PLCG1: variants seen among roughly 807,000 people sequenced by gnomAD.
The protein encoded by PLCG1 is phospholipase C gamma 1.
Under a neutral mutation model 177.8 loss-of-function variants are expected in PLCG1, and 71 were observed. The ratio of observed to expected loss-of-function variants is 0.40; its 90% CI spans 0.33 to 0.49. PLCG1 has a LOEUF of 0.49. PLCG1 is among the 20% of genes least tolerant of loss of function. The pLI, the probability that PLCG1 is intolerant of heterozygous loss-of-function variation, is 0.72. For synonymous variants in PLCG1, 658 were observed against 647.9 expected (o/e 1.02, Z -0.24); for missense variants, 1,281 against 1,709.0 (o/e 0.75, Z 4.42).
At chr20:41,170,531 C>A in intron 24 of PLCG1, 1 of 427,898 alleles carries the variant, frequency 2.3e-6, no homozygotes, top group Non-Finnish European at 4.2e-6. Context: ...ATACACAAGA[C>A]CAGAGGTAAG....
At position 41,146,888 on chromosome 20, in the gene PLCG1, C is replaced by A. The variant is rs1040229567; in HGVS notation, c.217+9030C>A. On this transcript the variant is annotated intron_variant, in intron 1 of 31. Coordinates refer to ENST00000685551, the MANE Select transcript of PLCG1 (RefSeq NM_002660.3). The surrounding 1 kb of genome is among the most constrained non-coding windows in gnomAD (Gnocchi z 6.3). ...GTGTGGGCCTGAGTTCACAGGGTGACTAACCCTAGGAAGGAGTGAAGGAGA... is the reference window on the plus strand; with the variant it reads ...GTGTGGGCCTGAGTTCACAGGGTGAATAACCCTAGGAAGGAGTGAAGGAGA... Among the ~76,000 whole-genome samples the A allele has an allele frequency of 1.3e-5, 2 of 152,140 alleles. No individual in the cohort carries two copies. The highest frequency in any genetic ancestry group is 4.8e-5 in the African/African-American group (2 of 41,418).
At chr20:41,139,651 A>G (rs1408873293) in intron 1 of PLCG1, among the ~76,000 whole-genome samples, 1 of 152,212 alleles carries the variant, frequency 6.6e-6, no homozygotes, top group East Asian at 1.9e-4. Context: ...CATATAAAAC[A>G]TCTAGCATTG....
intron 4 of PLCG1, among the ~76,000 whole-genome samples, chr20:41,161,694 C>T (rs1158598657): frequency 6.6e-6 from 1 of 152,040 alleles, no homozygotes; most frequent in Non-Finnish European, 1.5e-5. Flanking sequence ...GCTCTTGGGG[C>T]CCAGAGGAGG....
intron 24 of PLCG1, among the ~76,000 whole-genome samples, chr20:41,171,712 A>G (rs1242948898): frequency 6.6e-6 from 1 of 151,522 alleles, no homozygotes; most frequent in East Asian, 1.9e-4. Context: ...GTGGGTGGTT[A>G]TATTTGAGTT....
At position 41,167,757 on chromosome 20, in the gene PLCG1, C is replaced by A; in HGVS notation, c.2302-95C>A. The stretch of plus-strand genomic sequence containing the variant: ...CTGTGGATCAGGTGCAAGTTTGCTG[C>A]ACTGGGGGAAAGGGAAGCTGCTCCA... On this transcript the variant is annotated intron_variant, in intron 19 of 31. Coordinates refer to ENST00000685551, the MANE Select transcript of PLCG1 (RefSeq NM_002660.3). The surrounding 1 kb of genome is among the most constrained non-coding windows in gnomAD (Gnocchi z 4.4). 1 of 860,794 alleles carries A rather than the reference C, an allele frequency of 1.2e-6. No individual in the cohort carries two copies. The highest frequency in any genetic ancestry group is 2.0e-6 in the Non-Finnish European group (1 of 512,306). The allele number at this position is 860,794 out of a possible 1,614,324, so 53.3% of individuals were successfully genotyped here. A position where few individuals can be genotyped will look rare whatever the true frequency, so the allele number is the denominator to read the frequency against.
At chr20:41,139,271 G>A (rs964940962) in intron 1 of PLCG1, among the ~76,000 whole-genome samples, 2 of 152,214 alleles carry the variant, frequency 1.3e-5, no homozygotes, top group Non-Finnish European at 2.9e-5. Flanking sequence ...TGACTTGAGA[G>A]CCTGTGGATT....
Position 41,147,183 on chromosome 20 carries a change from T to G in PLCG1, c.217+9325T>G, listed in dbSNP as rs1373620829. ...TTGAGTATAATGTGCCTGTGTTAGCTTGTCCATCCTAACTGGGACTGTGGC... is the reference window on the plus strand; with the variant it reads ...TTGAGTATAATGTGCCTGTGTTAGCGTGTCCATCCTAACTGGGACTGTGGC... On this transcript the variant is annotated intron_variant, in intron 1 of 31. Transcript: ENST00000685551. This position sits in a 1 kb window ranked among gnomAD's most constrained non-coding sequence, Gnocchi z 4.0. Among the ~76,000 whole-genome samples, 1 of 152,248 alleles carries G rather than the reference T, an allele frequency of 6.6e-6. No individual in the cohort carries two copies. Among genetic ancestry groups the G allele is most frequent in the Non-Finnish European group, 1.5e-5 (1 of 68,040 alleles).
chr20:41,170,465 G>A (rs1345679269), intron 24 of PLCG1, 196 bp downstream of exon 24: 6 of 596,648 alleles, frequency 1.0e-5, no homozygotes, highest in Non-Finnish European at 1.8e-5. Flanking sequence ...TTTAGGTTGT[G>A]TTGAGTTTGA....
rs1421492515 is a variant in PLCG1, at chr20:41,165,558, A to T, written c.1611+7A>T. The T allele has an allele frequency of 6.2e-7, 1 of 1,613,004 alleles. No individual in the cohort carries two copies. Among genetic ancestry groups the T allele is most frequent in the Admixed American group, 1.7e-5 (1 of 60,018 alleles). On this transcript the variant is annotated splice_region_variant and intron_variant, in intron 15 of 31. Coordinates refer to ENST00000685551, the MANE Select transcript of PLCG1 (RefSeq NM_002660.3). This position sits in a 1 kb window ranked among gnomAD's most constrained non-coding sequence, Gnocchi z 6.6. ...TGAGGAGGAGCCCAAGGAGGTGAGG[A>T]ACCAGCTCAGGTCTGGGGGCTGGGC...
Position 41,173,731 on chromosome 20 carries a change from C to A in PLCG1, c.3474C>A (p.Arg1158=). 6.2e-7 allele frequency: 1 copy of A among 1,614,188 alleles called. No individual in the cohort carries two copies. The change falls in exon 29 of 32, where the codon CGC becomes CGA. Residue 1158 remains arginine, a synonymous_variant. Transcript: ENST00000685551. This position sits in a 1 kb window ranked among gnomAD's most constrained non-coding sequence, Gnocchi z 6.2. ...QISNPEFAFL[R]FVVYEEDMFS... ...GTAACCCTGAATTTGCCTTTCTGCGCTTCGTGGTGTATGAGGAAGACATGT... is the reference window on the plus strand; with the variant it reads ...GTAACCCTGAATTTGCCTTTCTGCGATTCGTGGTGTATGAGGAAGACATGT...
chr20:41,160,261 TA>T lies in PLCG1; in HGVS notation c.512+110del. ...GAGAGCCAGAGGACCCAGGGGACCT[TA>T]AGTGGGGCCAGGAGGGTGGGCAGAA... On this transcript the variant is annotated intron_variant, in intron 4 of 31. Transcript: ENST00000685551. The surrounding 1 kb of genome is among the most constrained non-coding windows in gnomAD (Gnocchi z 5.5). 2 of 976,054 alleles carry T rather than the reference TA, an allele frequency of 2.0e-6. No homozygotes were observed. The highest frequency in any genetic ancestry group is 3.2e-6 in the Non-Finnish European group (2 of 615,792). 60.5% of individuals were successfully genotyped at this position (976,054 alleles called of 1,614,324 possible). A position where few individuals can be genotyped will look rare whatever the true frequency, so the allele number is the denominator to read the frequency against.
chr20:41,143,736 T>C (rs1268561960), intron 1 of PLCG1, among the ~76,000 whole-genome samples: 1 of 152,256 alleles, frequency 6.6e-6, no homozygotes, highest in African/African-American at 2.4e-5. Flanking sequence ...TACTGTGACC[T>C]TGGGCAGATT....
At position 41,156,620 on chromosome 20, in the gene PLCG1, C is replaced by T. The variant is rs2035329812; in HGVS notation, c.218-2986C>T. 6.6e-6 allele frequency among the ~76,000 whole-genome samples: 1 copy of T among 152,168 alleles called. No homozygotes were observed. Among genetic ancestry groups the T allele is most frequent in the African/African-American group, 2.4e-5 (1 of 41,424 alleles). ...CTGGCTTTTCTTTTCCCCAGAGTTC[C>T]CCTGAATGTTGTCCTCTCATGGTTC... On this transcript the variant is annotated intron_variant, in intron 1 of 31. Coordinates refer to ENST00000685551, the MANE Select transcript of PLCG1 (RefSeq NM_002660.3). This position sits in a 1 kb window ranked among gnomAD's most constrained non-coding sequence, Gnocchi z 5.0.
intron 1 of PLCG1, among the ~76,000 whole-genome samples, chr20:41,155,788 C>G (rs1165841330): frequency 1.3e-5 from 2 of 152,182 alleles, no homozygotes; most frequent in African/African-American, 4.8e-5. Context: ...TGTCTCCAGA[C>G]TTCTCTATTA....
chr20:41,161,165 T>G (rs540567506), intron 4 of PLCG1, among the ~76,000 whole-genome samples: 1 of 151,664 alleles, frequency 6.6e-6, no homozygotes, highest in Admixed American at 6.6e-5. Context: ...ATATTAGAGA[T>G]TGGAGGGGTC....
At chr20:41,141,421 G>T (rs1302999253) in intron 1 of PLCG1, among the ~76,000 whole-genome samples, 1 of 152,286 alleles carries the variant, frequency 6.6e-6, no homozygotes, top group Non-Finnish European at 1.5e-5. Flanking sequence ...CCTTGATGAG[G>T]CAGGCGGGCT....
Position 41,148,753 on chromosome 20 carries a change from G to A in PLCG1, c.218-10853G>A, listed in dbSNP as rs994301694. ...CTACTATAATAAATACTGTGAAGCA[G>A]GAGTGCACCACGAAACCTGGAGTCC... On this transcript the variant is annotated intron_variant, in intron 1 of 31. Coordinates refer to ENST00000685551, the MANE Select transcript of PLCG1 (RefSeq NM_002660.3). The surrounding 1 kb of genome is among the most constrained non-coding windows in gnomAD (Gnocchi z 4.3). 2.6e-5 allele frequency among the ~76,000 whole-genome samples: 4 copies of A among 152,202 alleles called. No homozygotes were observed. The highest frequency in any genetic ancestry group is 9.7e-5 in the African/African-American group (4 of 41,444).
chr20:41,155,860 C>T (rs895622001), intron 1 of PLCG1, among the ~76,000 whole-genome samples: 4 of 152,118 alleles, frequency 2.6e-5, no homozygotes, highest in African/African-American at 9.7e-5. Flanking sequence ...TTCCAGTTTC[C>T]TGATGGGGAA....
chr20:41,154,306 C>T (rs2035252975), intron 1 of PLCG1, among the ~76,000 whole-genome samples: 1 of 152,194 alleles, frequency 6.6e-6, no homozygotes, highest in Non-Finnish European at 1.5e-5. Context: ...GACACAGGTT[C>T]CAACAAGAAA....
Sources: allele counts gnomAD v4.1 joint callset (sites outside exome capture counted in the v4.1 genomes callset), GRCh38; gene constraint gnomAD v4.1.1; non-coding constraint Gnocchi (gnomAD v3.1); transcripts MANE v1.5; gene names NCBI Gene and HGNC (gene_info 2026-07-23, HGNC 2026-07-21).